CFAP210: variants seen among roughly 807,000 people sequenced by gnomAD.
CFAP210 encodes the protein cilia and flagella associated protein 210, also known as cilia- and flagella- associated protein 210.
the CFAP210 span, among the ~76,000 whole-genome samples, chr2:169,679,442 G>A: frequency 6.6e-6 from 1 of 152,026 alleles, no homozygotes; most frequent in East Asian, 1.9e-4. Context: ...CACTTTGGAA[G>A]CCGAGGCAGG....
the CFAP210 span, among the ~76,000 whole-genome samples, chr2:169,688,455 T>G: frequency 6.6e-6 from 1 of 152,184 alleles, no homozygotes; most frequent in African/African-American, 2.4e-5. Context: ...ACAAATTTTC[T>G]GAATTTTTAT....
chr2:169,649,315 CTTT>C, the CFAP210 span: 13 of 1,611,536 alleles, frequency 8.1e-6, no homozygotes, highest in Admixed American at 6.7e-5. Flanking sequence ...CTCTATTTTT[CTTT>C]GTCTTTCTTC....
At chr2:169,660,084 A>T in the CFAP210 span, among the ~76,000 whole-genome samples, 1 of 106,318 alleles carries the variant, frequency 9.4e-6, no homozygotes, top group African/African-American at 3.4e-5. Context: ...GTTTATCTTT[A>T]AAAAAAAAAA....
At chr2:169,652,137 T>C in the CFAP210 span, among the ~76,000 whole-genome samples, 5 of 152,240 alleles carry the variant, frequency 3.3e-5, no homozygotes, top group Admixed American at 1.3e-4. Flanking sequence ...ATTCACTTAG[T>C]GAATTGGCAA....
the CFAP210 span, among the ~76,000 whole-genome samples, chr2:169,691,740 C>T: frequency 6.6e-6 from 1 of 152,188 alleles, no homozygotes; most frequent in Non-Finnish European, 1.5e-5. Context: ...TATGTGTCAA[C>T]TCTGGAAATC....
At chr2:169,655,586 A>G in the CFAP210 span, among the ~76,000 whole-genome samples, 1 of 126,794 alleles carries the variant, frequency 7.9e-6, no homozygotes, top group Non-Finnish European at 1.7e-5. Flanking sequence ...AATATTCACA[A>G]AGACTTTTTA....
At chr2:169,663,166 A>C in the CFAP210 span, among the ~76,000 whole-genome samples, 1 of 152,198 alleles carries the variant, frequency 6.6e-6, no homozygotes, top group African/African-American at 2.4e-5. Context: ...CATACTGGCA[A>C]GACAGCGCAA....
the CFAP210 span, chr2:169,694,195 C>T: frequency 1.3e-6 from 2 of 1,504,098 alleles, no homozygotes; most frequent in African/African-American, 1.4e-5. Context: ...TCGGCATCCT[C>T]GCCTCTCACT....
the CFAP210 span, among the ~76,000 whole-genome samples, chr2:169,652,649 C>T: frequency 6.6e-6 from 1 of 152,030 alleles, no homozygotes; most frequent in East Asian, 1.9e-4. Flanking sequence ...AATCTCTGCC[C>T]TCATGGGGCT....
the CFAP210 span, among the ~76,000 whole-genome samples, chr2:169,675,823 C>T: frequency 1.3e-5 from 2 of 152,136 alleles, no homozygotes; most frequent in Non-Finnish European, 2.9e-5. Flanking sequence ...ACTCCTTTTG[C>T]TCCTTTAAAA....
chr2:169,677,777 CT>C, the CFAP210 span, among the ~76,000 whole-genome samples: 1 of 152,066 alleles, frequency 6.6e-6, no homozygotes, highest in African/African-American at 2.4e-5. Flanking sequence ...TTAAAACTGT[CT>C]TTATTCTCTG....
chr2:169,652,020 CTAGT>C, the CFAP210 span, among the ~76,000 whole-genome samples: 1 of 152,026 alleles, frequency 6.6e-6, no homozygotes, highest in African/African-American at 2.4e-5. Flanking sequence ...GGTCCTCTCT[CTAGT>C]TAAGAGCCTA....
At chr2:169,689,082 C>T in the CFAP210 span, among the ~76,000 whole-genome samples, 2 of 152,066 alleles carry the variant, frequency 1.3e-5, no homozygotes, top group African/African-American at 4.8e-5. Flanking sequence ...AGTGGAAATC[C>T]CTGATAAACC....
chr2:169,672,732 G>A, the CFAP210 span, among the ~76,000 whole-genome samples: 1 of 152,150 alleles, frequency 6.6e-6, no homozygotes, highest in East Asian at 1.9e-4. Flanking sequence ...CGACTGGATG[G>A]TGCCCACCCA....
At chr2:169,659,705 T>A in the CFAP210 span, among the ~76,000 whole-genome samples, 1 of 152,204 alleles carries the variant, frequency 6.6e-6, no homozygotes, top group African/African-American at 2.4e-5. Context: ...CCAAATCTCA[T>A]GTCCTTCTCA....
chr2:169,681,396 C>A, the CFAP210 span: 1 of 671,950 alleles, frequency 1.5e-6, no homozygotes, highest in Non-Finnish European at 2.6e-6. Flanking sequence ...AAAAAAAATA[C>A]AAAGCCTTGA....
At chr2:169,674,078 A>G in the CFAP210 span, among the ~76,000 whole-genome samples, 1 of 152,162 alleles carries the variant, frequency 6.6e-6, no homozygotes, top group Non-Finnish European at 1.5e-5. Context: ...ATGGAAGGCC[A>G]AGTATACTTC....
At chr2:169,681,010 A>G in the CFAP210 span, 12 of 1,608,282 alleles carry the variant, frequency 7.5e-6, no homozygotes, top group South Asian at 8.8e-5. Flanking sequence ...TACTTACTGC[A>G]TATGTATTAG....
chr2:169,649,763 C>T, the CFAP210 span, among the ~76,000 whole-genome samples: 1 of 152,044 alleles, frequency 6.6e-6, no homozygotes, highest in South Asian at 2.1e-4. Context: ...GAAACGCTGT[C>T]TCTACTAAAA....
Sources: gnomAD v4.1 joint callset for allele counts (sites outside exome capture counted in the v4.1 genomes callset) on GRCh38, gnomAD v4.1.1 for gene constraint, MANE v1.5 for transcripts, NCBI Gene and HGNC (gene_info 2026-07-23, HGNC 2026-07-21) for gene names.